Variants in TTC39C observed in about 807,000 individuals in gnomAD.
The protein encoded by TTC39C is tetratricopeptide repeat protein 39C.
TTC39C carries 33 observed loss-of-function variants against 76.3 expected under a neutral mutation model. That is an observed-to-expected ratio of 0.43 (90% CI 0.33 to 0.58). The LOEUF is 0.58. TTC39C is among the 20% of genes least tolerant of loss of function. The pLI is 0.04. For synonymous variants in TTC39C, 254 were observed against 260.6 expected (o/e 0.97, Z 0.24); for missense variants, 595 against 701.4 (o/e 0.85, Z 1.71).
intron 1 of TTC39C, among the ~76,000 whole-genome samples, chr18:24,021,376 T>C (rs561346875): frequency 5.7e-4 from 87 of 152,130 alleles, no homozygotes; most frequent in Non-Finnish European, 1.8e-4. Context: ...ATAGCCTTTG[T>C]GGGCTAACCT....
intron 4 of TTC39C, among the ~76,000 whole-genome samples, chr18:24,071,401 T>G (rs916923076): frequency 1.3e-5 from 2 of 152,202 alleles, no homozygotes; most frequent in African/African-American, 4.8e-5. Flanking sequence ...ATAGTTAAGA[T>G]TATTCTGATT....
At chr18:24,092,609 T>C (rs964991018) in intron 6 of TTC39C, among the ~76,000 whole-genome samples, 5 of 152,184 alleles carry the variant, frequency 3.3e-5, no homozygotes, top group African/African-American at 1.2e-4. Context: ...AAACATGTTA[T>C]GTGTAAAAAG....
At chr18:24,022,303 C>T (rs1451407412) in intron 1 of TTC39C, among the ~76,000 whole-genome samples, 1 of 149,560 alleles carries the variant, frequency 6.7e-6, no homozygotes, top group African/African-American at 2.4e-5. Context: ...TGTGGGCTGG[C>T]ATTGAGCCAG....
intron 6 of TTC39C, among the ~76,000 whole-genome samples, chr18:24,107,671 CTG>C (rs2084762563): frequency 6.6e-6 from 1 of 152,224 alleles, no homozygotes; most frequent in African/African-American, 2.4e-5. Context: ...CCATGTGGAA[CTG>C]TGAGTCCATT....
chr18:24,006,618 G>A (rs2083354900), intron 1 of TTC39C: 1 of 152,046 alleles, frequency 6.6e-6, no homozygotes, highest in Admixed American at 6.6e-5. Flanking sequence ...AAAAAACCAA[G>A]GATTAACTGT....
rs376392818 is a variant in TTC39C, at chr18:24,082,988, G to A, written c.891G>A (p.Leu297=). The A allele has an allele frequency of 1.2e-6, 2 of 1,614,090 alleles. No individual in the cohort carries two copies. The highest frequency in any genetic ancestry group is 1.7e-5 in the Admixed American group (1 of 60,010). The part of the protein sequence containing the change: ...ALDGSDNKAG[L]DEAKEILLKK... Reference sequence around the variant, plus strand: ...ATGGCAGTGATAACAAGGCAGGCCTGGATGAAGCTAAGGAAATTCTCCTTA... The same window carrying A: ...ATGGCAGTGATAACAAGGCAGGCCTAGATGAAGCTAAGGAAATTCTCCTTA... The change falls in exon 6 of 14, where the codon CTG becomes CTA. Residue 297 remains leucine (L), a synonymous_variant. Transcript: ENST00000317571.
At chr18:24,130,209 A>G in intron 11 of TTC39C, 104 bp from the exon 12 acceptor site, 1 of 532,696 alleles carries the variant, frequency 1.9e-6, no homozygotes, top group Non-Finnish European at 3.4e-6. Context: ...CTGATCTAGA[A>G]AACAGAGTAT....
chr18:24,042,958 T>C (rs2083815943), intron 1 of TTC39C, among the ~76,000 whole-genome samples: 12 of 152,076 alleles, frequency 7.9e-5, no homozygotes, highest in Admixed American at 7.9e-4. Flanking sequence ...CTCATAAAAA[T>C]GTCTGTGTTC....
rs1018839580 is a variant in TTC39C, at chr18:24,132,999, G to A, written c.*425G>A. ...GACATAGCATTTATATTTGTGTTTT[G>A]AAAAAATAAAAGTGCTTTCTAGTGT... On this transcript the variant is annotated 3_prime_UTR_variant, in exon 14 of 14. Coordinates refer to ENST00000317571, the MANE Select transcript of TTC39C (RefSeq NM_001135993.2). The A allele has an allele frequency of 2.7e-4, 42 of 153,834 alleles. No individual in the cohort carries two copies. The highest frequency in any genetic ancestry group is 5.9e-4 in the Non-Finnish European group (41 of 69,348). The allele number at this position is 153,834 out of a possible 1,614,324, so 9.5% of individuals were successfully genotyped here.
At position 24,127,786 on chromosome 18, in the gene TTC39C, G is replaced by A. The variant is rs145144620; in HGVS notation, c.1421-1100G>A. Among the ~76,000 whole-genome samples the A allele has an allele frequency of 2.9e-3, 444 of 152,312 alleles. 1 individual carries two copies. Among genetic ancestry groups the A allele is most frequent in the African/African-American group, 0.01 (423 of 41,576 alleles). The stretch of plus-strand genomic sequence containing the variant: ...CCGCTTTGGTCTTCCAAAGTGGGGG[G>A]ATTACCAGCATAAGCCACCATGCCC... On this transcript the variant is annotated intron_variant, in intron 10 of 13. Transcript: ENST00000317571.
At position 24,134,264 on chromosome 18, in the gene TTC39C, G is replaced by GTTTTTTTT. The variant is rs907184028; in HGVS notation, c.*1710_*1717dup. 1.2e-5 allele frequency: 1 copy of GTTTTTTTT among 83,792 alleles called. No homozygotes were observed. Among genetic ancestry groups the GTTTTTTTT allele is most frequent in the African/African-American group, 4.3e-5 (1 of 23,152 alleles). The allele number at this position is 83,792 out of a possible 1,614,324, so 5.2% of individuals were successfully genotyped here. ...CAAAAATATTGGACATCTGTTTTTT[G>GTTTTTTTT]TTTTTTTTTTTTTTTTTTTTTTTTT... On this transcript the variant is annotated 3_prime_UTR_variant, in exon 14 of 14. Coordinates refer to ENST00000317571, the MANE Select transcript of TTC39C (RefSeq NM_001135993.2).
In TTC39C at chr18:24,045,889, G is replaced by GAAAAAAAAA. The variant is rs1193600114; in HGVS notation, c.168-18247_168-18246insAAAAAAAAA. Among the ~76,000 whole-genome samples, 351 of 56,336 alleles carry GAAAAAAAAA rather than the reference G, an allele frequency of 6.2e-3. 4 individuals are homozygous for GAAAAAAAAA. Among genetic ancestry groups the GAAAAAAAAA allele is most frequent in the African/African-American group, 0.025 (334 of 13,558 alleles). 37.0% of individuals were successfully genotyped at this position (56,336 alleles called of 152,430 possible). Reference sequence around the variant, plus strand: ...AACATTTTAGGGTACTTCCTTCTGTGAAAATATATATATATATATATATAT... The same window carrying GAAAAAAAAA: ...AACATTTTAGGGTACTTCCTTCTGTGAAAAAAAAAAAAATATATATATATATATATATAT... On this transcript the variant is annotated intron_variant, in intron 1 of 13. Coordinates refer to ENST00000317571, the MANE Select transcript of TTC39C (RefSeq NM_001135993.2).
At chr18:24,030,967 A>C (rs1357521013) in intron 1 of TTC39C, among the ~76,000 whole-genome samples, 2 of 147,576 alleles carry the variant, frequency 1.4e-5, no homozygotes, top group Non-Finnish European at 3.0e-5. Context: ...TTTTTGAGAC[A>C]GGGTCTTACT....
intron 4 of TTC39C, among the ~76,000 whole-genome samples, chr18:24,077,475 T>C (rs190899010): frequency 3.9e-4 from 59 of 152,372 alleles, no homozygotes; most frequent in African/African-American, 1.3e-3. Flanking sequence ...GTTTTCACTC[T>C]TTCTGTATGT....
chr18:24,088,087 AAAG>A (rs760910685), intron 6 of TTC39C, among the ~76,000 whole-genome samples: 8 of 152,334 alleles, frequency 5.3e-5, no homozygotes, highest in Non-Finnish European at 1.2e-4. Flanking sequence ...AGTCAGTTCC[AAAG>A]AAGAAGTTGT....
At chr18:24,050,169 C>G (rs1285131947) in intron 1 of TTC39C, among the ~76,000 whole-genome samples, 1 of 152,212 alleles carries the variant, frequency 6.6e-6, no homozygotes, top group African/African-American at 2.4e-5. Context: ...TTCACCATTT[C>G]TCCTTTCTCA....
At chr18:24,101,011 A>G (rs1237453222) in intron 6 of TTC39C, among the ~76,000 whole-genome samples, 1 of 152,178 alleles carries the variant, frequency 6.6e-6, no homozygotes, top group Non-Finnish European at 1.5e-5. Flanking sequence ...CAGGTATGCT[A>G]TGTTTAACCA....
chr18:24,070,094 G>A (rs563157876), intron 4 of TTC39C, among the ~76,000 whole-genome samples: 70 of 152,212 alleles, frequency 4.6e-4, no homozygotes, highest in Non-Finnish European at 9.3e-4. Flanking sequence ...CCTATCAGAA[G>A]CCGGTTTTTC....
rs1417515733 is a variant in TTC39C at position 24,054,279 on chromosome 18, G to A, written c.168-9861G>A. Among the ~76,000 whole-genome samples, 4 of 152,256 alleles carry A rather than the reference G, an allele frequency of 2.6e-5. 1 individual carries two copies. In the East Asian group the frequency reaches 7.7e-4, roughly 29 times the overall value. Reference sequence around the variant, plus strand: ...ATTCCCACATAAGCAGGATTTGGCTGTCTTGTATTGAATCGCCCCATTATT... The same window carrying A: ...ATTCCCACATAAGCAGGATTTGGCTATCTTGTATTGAATCGCCCCATTATT... On this transcript the variant is annotated intron_variant, in intron 1 of 13. Transcript: ENST00000317571.
Sources: allele counts gnomAD v4.1 joint callset (sites outside exome capture counted in the v4.1 genomes callset), GRCh38; gene constraint gnomAD v4.1.1; transcripts MANE v1.5; gene names NCBI Gene and HGNC (gene_info 2026-07-23, HGNC 2026-07-21).